The following FAF1 variants were observed in gnomAD, a reference collection of about 807,000 sequenced individuals.
FAF1 encodes FAS-associated factor 1.
FAF1 carries 25 observed loss-of-function variants against 92.5 expected under a neutral mutation model. That is an observed-to-expected ratio of 0.27 (90% CI 0.20 to 0.38). The LOEUF is 0.38. FAF1 is among the 10% of genes least tolerant of loss of function. The probability of loss-of-function intolerance (pLI) is 1.00; values close to 1 mark genes in which losing one functional copy is unlikely to be tolerated. For synonymous variants in FAF1, 234 were observed against 273.2 expected (o/e 0.86, Z 1.42); for missense variants, 636 against 793.3 (o/e 0.80, Z 2.38).
intron 13 of FAF1, among the ~76,000 whole-genome samples, chr1:50,548,693 C>A (rs1305254690): frequency 6.6e-6 from 1 of 152,182 alleles, no homozygotes; most frequent in Non-Finnish European, 1.5e-5. Flanking sequence ...TTTTAGCAAA[C>A]TGTACTTTTT....
At chr1:50,766,921 A>G (rs1660597840) in intron 4 of FAF1, among the ~76,000 whole-genome samples, 2 of 152,080 alleles carry the variant, frequency 1.3e-5, no homozygotes, top group African/African-American at 4.8e-5. Context: ...GTGTCTTCTC[A>G]CCTCCACACA....
intron 8 of FAF1, among the ~76,000 whole-genome samples, chr1:50,635,109 C>T (rs2124220786): frequency 6.6e-6 from 1 of 152,262 alleles, no homozygotes; most frequent in Middle Eastern, 3.4e-3. Context: ...AAATAGAGTA[C>T]TACTGCTATT....
At chr1:50,524,488 G>T (rs900188026) in intron 15 of FAF1, among the ~76,000 whole-genome samples, 3 of 152,130 alleles carry the variant, frequency 2.0e-5, no homozygotes, top group African/African-American at 7.2e-5. Flanking sequence ...GTATTGCCTA[G>T]GTTGTCTTCT....
At chr1:50,912,774 T>C (rs1199962335) in intron 1 of FAF1, among the ~76,000 whole-genome samples, 1 of 152,222 alleles carries the variant, frequency 6.6e-6, no homozygotes, top group African/African-American at 2.4e-5. Context: ...AGCGGTTTAG[T>C]ATTTGAAAAT....
intron 15 of FAF1, among the ~76,000 whole-genome samples, chr1:50,512,998 G>T (rs1407594893): frequency 6.6e-6 from 1 of 152,156 alleles, no homozygotes; most frequent in Non-Finnish European, 1.5e-5. Flanking sequence ...AGATAGAGGA[G>T]GAAGGTACTT....
At chr1:50,443,891 C>A (rs192091013) in intron 18 of FAF1, among the ~76,000 whole-genome samples, 2 of 152,228 alleles carry the variant, frequency 1.3e-5, no homozygotes, top group Admixed American at 1.3e-4. Flanking sequence ...TTCTTCCCCA[C>A]GGCCCAGCAA....
intron 8 of FAF1, among the ~76,000 whole-genome samples, chr1:50,635,659 C>A (rs565834564): frequency 6.6e-6 from 1 of 152,330 alleles, no homozygotes; most frequent in East Asian, 1.9e-4. Flanking sequence ...CTGCTGAGCT[C>A]AGGCTGGTCT....
chr1:50,566,982 A>T, intron 13 of FAF1, 95 bp downstream of exon 13: 1 of 935,328 alleles, frequency 1.1e-6, no homozygotes, highest in Non-Finnish European at 1.5e-6. Context: ...TAGAGAGTTT[A>T]ATGCTGAGGA....
chr1:50,726,119 A>G (rs1036648036), intron 6 of FAF1, among the ~76,000 whole-genome samples: 4 of 151,930 alleles, frequency 2.6e-5, no homozygotes, highest in African/African-American at 9.7e-5. Context: ...AGCCAGGCAC[A>G]GTGGTGGGCA....
intron 4 of FAF1, among the ~76,000 whole-genome samples, chr1:50,769,881 T>G (rs1016148525): frequency 2.0e-5 from 3 of 151,968 alleles, no homozygotes; most frequent in African/African-American, 4.8e-5. Context: ...TGAAACCCCA[T>G]CTCTACAAAA....
At chr1:50,585,126 A>G (rs754836963) in intron 9 of FAF1, among the ~76,000 whole-genome samples, 59 of 152,226 alleles carry the variant, frequency 3.9e-4, no homozygotes, top group African/African-American at 1.3e-3. Flanking sequence ...GAAAATGGGT[A>G]CAACTGGAGA....
intron 1 of FAF1, among the ~76,000 whole-genome samples, chr1:50,873,341 G>C (rs982686121): frequency 6.6e-6 from 1 of 152,118 alleles, no homozygotes; most frequent in African/African-American, 2.4e-5. Context: ...CACTTTTTGA[G>C]GCTAACGATG....
At chr1:50,598,462 TAAAAAAAAAAAAA>T (rs890794436) in intron 8 of FAF1, among the ~76,000 whole-genome samples, 1 of 112,364 alleles carries the variant, frequency 8.9e-6, no homozygotes, top group Non-Finnish European at 1.8e-5. Flanking sequence ...AACCTGTCTT[TAAAAAAAAAAAAA>T]AAAAAAAAAA....
In FAF1 at chr1:50,949,430, C is replaced by T. The variant is rs576508878; in HGVS notation, c.45+10337G>A. ...GCTTCTGTGCACTAAATGCTAGTAGCAGCCCGAAGCTGTGACAACCAAAGT... is the reference window on the plus strand; with the variant it reads ...GCTTCTGTGCACTAAATGCTAGTAGTAGCCCGAAGCTGTGACAACCAAAGT... On this transcript the variant is annotated intron_variant, in intron 1 of 18. Transcript: ENST00000396153. Among the ~76,000 whole-genome samples, 150 of 152,362 alleles carry T rather than the reference C, an allele frequency of 9.8e-4. 2 individuals carry two copies. In the South Asian group the frequency reaches 0.03, roughly 31 times the overall value.
chr1:50,692,703 C>T (rs1164219489), intron 7 of FAF1, among the ~76,000 whole-genome samples: 13 of 152,132 alleles, frequency 8.5e-5, no homozygotes, highest in Admixed American at 5.2e-4. Flanking sequence ...ACTTACATTG[C>T]TTCCATATCT....
At chr1:50,545,064 G>C (rs1648944673) in intron 13 of FAF1, among the ~76,000 whole-genome samples, 1 of 151,556 alleles carries the variant, frequency 6.6e-6, no homozygotes, top group Non-Finnish European at 1.5e-5. Context: ...CCATAACTAG[G>C]CCAAAAGATA....
At chr1:50,854,423 C>T (rs1486109276) in intron 2 of FAF1, among the ~76,000 whole-genome samples, 4 of 151,916 alleles carry the variant, frequency 2.6e-5, no homozygotes, top group Admixed American at 1.3e-4. Context: ...TAACTCTAAG[C>T]GCAGGACAAT....
intron 7 of FAF1, among the ~76,000 whole-genome samples, chr1:50,665,818 A>G (rs1018702775): frequency 1.3e-5 from 2 of 152,192 alleles, no homozygotes; most frequent in Admixed American, 1.3e-4. Context: ...AATAATATGC[A>G]TCTCTGTTTA....
At chr1:50,847,311 A>G (rs1644309755) in intron 2 of FAF1, among the ~76,000 whole-genome samples, 1 of 152,142 alleles carries the variant, frequency 6.6e-6, no homozygotes, top group Non-Finnish European at 1.5e-5. Context: ...TTAGAACAGG[A>G]AATTTTAGAT....
Sources: gnomAD v4.1 joint callset for allele counts (sites outside exome capture counted in the v4.1 genomes callset) on GRCh38, gnomAD v4.1.1 for gene constraint, MANE v1.5 for transcripts, NCBI Gene and HGNC (gene_info 2026-07-23, HGNC 2026-07-21) for gene names.